Variants in SPATA18 observed in about 807,000 individuals in gnomAD.
The protein encoded by SPATA18 is mitochondria-eating protein.
Under a neutral mutation model 68.1 loss-of-function variants are expected in SPATA18, and 54 were observed. The ratio of observed to expected loss-of-function variants is 0.79; its 90% CI spans 0.64 to 0.99. SPATA18 has a LOEUF of 0.99. Among genes scored for constraint, SPATA18 ranks in the 50% least tolerant of loss-of-function variants. SPATA18 has a pLI of 0.00. For missense variants in SPATA18, 724 were observed against 681.1 expected, an observed-to-expected ratio of 1.06 and a Z score of -0.70; for synonymous variants, 242 against 244.8, an observed-to-expected ratio of 0.99 and a Z score of 0.11.
In SPATA18 at chr4:52,069,928, A is replaced by C. The variant is rs1739655143; in HGVS notation, c.518+12A>C. ...CAGCTGAAAAAGCAGTAAGAAAAAAATTACAGGATTATTGCAGCCTAAATC... is the reference window on the plus strand; with the variant it reads ...CAGCTGAAAAAGCAGTAAGAAAAAACTTACAGGATTATTGCAGCCTAAATC... On this transcript the variant is annotated intron_variant, in intron 5 of 12. Coordinates refer to ENST00000295213, the MANE Select transcript of SPATA18 (RefSeq NM_145263.4). 7.6e-6 allele frequency: 12 copies of C among 1,574,192 alleles called. No homozygotes were observed. The highest frequency in any genetic ancestry group is 9.5e-6 in the Non-Finnish European group (11 of 1,155,422).
At chr4:52,063,130 A>G (rs1341075561) in intron 4 of SPATA18, among the ~76,000 whole-genome samples, 1 of 152,172 alleles carries the variant, frequency 6.6e-6, no homozygotes, top group African/African-American at 2.4e-5. Flanking sequence ...GCTGACATAA[A>G]TGGGACAGAA....
chr4:52,057,644 C>T (rs1006801622), intron 1 of SPATA18, among the ~76,000 whole-genome samples: 4 of 152,164 alleles, frequency 2.6e-5, no homozygotes, highest in Non-Finnish European at 5.9e-5. Flanking sequence ...GATCAGCTAC[C>T]TCCTAAACAG....
At chr4:52,094,852 A>G in intron 12 of SPATA18, 28 bp from the exon 13 acceptor site, 1 of 1,613,860 alleles carries the variant, frequency 6.2e-7, no homozygotes, top group Non-Finnish European at 8.5e-7. Flanking sequence ...AGTGACCATA[A>G]TAATGAACTG....
In SPATA18 at chr4:52,051,538, C is replaced by T; in HGVS notation, c.-167C>T. 3 of 669,242 alleles carry T rather than the reference C, an allele frequency of 4.5e-6. No individual in the cohort carries two copies. Among genetic ancestry groups the T allele is most frequent in the South Asian group, 1.8e-5 (1 of 54,366 alleles). The allele number at this position is 669,242 out of a possible 1,614,324, so 41.5% of individuals were successfully genotyped here. On this transcript the variant is annotated 5_prime_UTR_variant, in exon 1 of 13. Coordinates refer to ENST00000295213, the MANE Select transcript of SPATA18 (RefSeq NM_145263.4). ...GGCACCTCCCCTCTGGCTTCCCGAA[C>T]CCGGCCAGGTCCGACCCGAGGGGGA...
At chr4:52,071,247 C>T (rs1307375912) in intron 5 of SPATA18, among the ~76,000 whole-genome samples, 2 of 152,166 alleles carry the variant, frequency 1.3e-5, no homozygotes, top group African/African-American at 2.4e-5. Flanking sequence ...TCATTTTCAT[C>T]GTAGCATCTT....
Position 52,051,748 on chromosome 4 carries a change from G to C in SPATA18, c.44G>C (p.Arg15Pro), listed in dbSNP as rs745330194. The C allele has an allele frequency of 6.2e-7, 1 of 1,614,216 alleles. No individual in the cohort carries two copies. The highest frequency in any genetic ancestry group is 8.5e-7 in the Non-Finnish European group (1 of 1,180,042). The change falls in exon 1 of 13, where the codon CGA becomes CCA. Residue 15 changes from arginine to proline, a missense_variant. Transcript: ENST00000295213. Reference sequence around the variant, plus strand: ...AGACTGGTCTCAAACGAAACTTTACGAACGTTGCAGGAAAAGCTAGACTTC... The same window carrying C: ...AGACTGGTCTCAAACGAAACTTTACCAACGTTGCAGGAAAAGCTAGACTTC... The part of the protein sequence containing the change: ...LKRLVSNETL[R>P]TLQEKLDFWL...
intron 8 of SPATA18, 29 bp downstream of exon 8, chr4:52,078,922 G>A: frequency 1.1e-5 from 17 of 1,528,798 alleles, no homozygotes; most frequent in Non-Finnish European, 1.5e-5. Flanking sequence ...ATTAGGACTG[G>A]TTTGCTGCTG....
chr4:52,067,725 G>C (rs1464336572), intron 4 of SPATA18, among the ~76,000 whole-genome samples: 1 of 151,984 alleles, frequency 6.6e-6, no homozygotes, highest in Non-Finnish European at 1.5e-5. Context: ...TCTCATAATA[G>C]CACTTATGAG....
intron 4 of SPATA18, among the ~76,000 whole-genome samples, chr4:52,064,652 C>T (rs1345440831): frequency 6.6e-6 from 1 of 152,070 alleles, no homozygotes; most frequent in African/African-American, 2.4e-5. Context: ...GTATATATAC[C>T]ACATTTTCTT....
At chr4:52,090,851 A>G (rs1741880869) in intron 11 of SPATA18, among the ~76,000 whole-genome samples, 2 of 149,748 alleles carry the variant, frequency 1.3e-5, no homozygotes, top group Admixed American at 6.7e-5. Context: ...TGGTTGGGGA[A>G]TATCTCCTGG....
At chr4:52,080,477 C>T (rs1390123208) in intron 9 of SPATA18, among the ~76,000 whole-genome samples, 2 of 152,062 alleles carry the variant, frequency 1.3e-5, no homozygotes, top group African/African-American at 4.8e-5. Context: ...GATAAATATT[C>T]CCCTTATAAA....
chr4:52,084,640 T>C (rs1158688183), intron 10 of SPATA18, among the ~76,000 whole-genome samples: 1 of 152,186 alleles, frequency 6.6e-6, no homozygotes, highest in Non-Finnish European at 1.5e-5. Context: ...TAATTTCCAA[T>C]AGCTTACTCA....
rs770939224 is a variant in SPATA18, at chr4:52,094,916, T to C, written c.*29T>C. The C allele has an allele frequency of 5.6e-6, 9 of 1,613,920 alleles. No homozygotes were observed. Among genetic ancestry groups the C allele is most frequent in the Non-Finnish European group, 7.6e-6 (9 of 1,179,920 alleles). On this transcript the variant is annotated 3_prime_UTR_variant, in exon 13 of 13. Transcript: ENST00000295213. ...CACCAGACCTGCTCCTTTGACCCAG[T>C]GCGTGGAAACAGCTGCTTTCTCCAG...
At chr4:52,061,803 G>C (rs1200013390) in intron 3 of SPATA18, among the ~76,000 whole-genome samples, 2 of 152,126 alleles carry the variant, frequency 1.3e-5, no homozygotes, top group Non-Finnish European at 2.9e-5. Context: ...TTATCATTAA[G>C]TAATTTTTTT....
At chr4:52,076,435 T>C (rs770552285) in intron 6 of SPATA18, among the ~76,000 whole-genome samples, 10 of 152,180 alleles carry the variant, frequency 6.6e-5, no homozygotes, top group Middle Eastern at 3.2e-3. Flanking sequence ...TGTAAAATAA[T>C]ATTGTGATGC....
At chr4:52,055,602 T>C (rs1738268509) in intron 1 of SPATA18, among the ~76,000 whole-genome samples, 1 of 152,240 alleles carries the variant, frequency 6.6e-6, no homozygotes, top group Non-Finnish European at 1.5e-5. Context: ...CTAAATTGGT[T>C]TTGTTACCCA....
At chr4:52,062,443 A>G in intron 4 of SPATA18, 111 bp downstream of exon 4, 1 of 699,584 alleles carries the variant, frequency 1.4e-6, no homozygotes. Context: ...ATTTGCAAAT[A>G]AGTAATATGA....
In SPATA18 at chr4:52,060,428, T is replaced by A; in HGVS notation, c.97T>A (p.Cys33Ser). ...TGTTTTGCCCTTGCAGACAAACACG[T>A]GTGATCAAAATCTAAACCATTGCCT... Reference protein sequence around the residue: ...FWLKEYNTNTCDQNLNHCLEL... With the variant: ...FWLKEYNTNTSDQNLNHCLEL... The change falls in exon 2 of 13, where the codon TGT becomes AGT. Residue 33 changes from cysteine to serine, a missense_variant. Coordinates refer to ENST00000295213, the MANE Select transcript of SPATA18 (RefSeq NM_145263.4). The A allele has an allele frequency of 6.2e-7, 1 of 1,613,932 alleles. No homozygotes were observed. Among genetic ancestry groups the A allele is most frequent in the Non-Finnish European group, 8.5e-7 (1 of 1,179,904 alleles).
chr4:52,075,944 A>G (rs1437530077), intron 6 of SPATA18, among the ~76,000 whole-genome samples: 7 of 152,242 alleles, frequency 4.6e-5, no homozygotes, highest in Non-Finnish European at 1.0e-4. Context: ...TTGAAGCCTA[A>G]AATTCTTGAA....
Sources: gnomAD v4.1 joint callset for allele counts (sites outside exome capture counted in the v4.1 genomes callset) on GRCh38, gnomAD v4.1.1 for gene constraint, MANE v1.5 for transcripts, NCBI Gene and HGNC (gene_info 2026-07-23, HGNC 2026-07-21) for gene names.